CMIP: variants seen among roughly 807,000 people sequenced by gnomAD.
CMIP encodes the protein C-Maf-inducing protein.
CMIP carries 13 observed loss-of-function variants against 97.3 expected under a neutral mutation model. That is an observed-to-expected ratio of 0.13 (90% CI 0.09 to 0.21). The LOEUF (loss-of-function observed/expected upper bound fraction) is 0.21. Ranked by LOEUF, CMIP falls within the 10% of genes least tolerant of loss-of-function variation. The pLI, the probability that CMIP is intolerant of heterozygous loss-of-function variation, is 1.00. For synonymous variants in CMIP, 538 were observed against 436.3 expected (o/e 1.23, Z -2.91); for missense variants, 847 against 1,024.9 (o/e 0.83, Z 2.37).
chr16:81,651,848 G>A (rs1301347204), intron 3 of CMIP, among the ~76,000 whole-genome samples: 1 of 152,188 alleles, frequency 6.6e-6, no homozygotes, highest in African/African-American at 2.4e-5. Context: ...AGAGCCCTGG[G>A]CAGATTTTCT....
chr16:81,667,799 A>AGAGAGAGAGAGAGTGTGT, intron 7 of CMIP, among the ~76,000 whole-genome samples: 97 of 58,130 alleles, frequency 1.7e-3, no homozygotes, highest in Non-Finnish European at 2.7e-3. Flanking sequence ...AGAGAGAGAG[A>AGAGAGAGAGAGAGTGTGT]GTGTGTGTGT....
intron 2 of CMIP, among the ~76,000 whole-genome samples, chr16:81,615,531 G>A (rs1279924271): frequency 6.9e-6 from 1 of 145,142 alleles, no homozygotes; most frequent in Non-Finnish European, 1.5e-5. Context: ...ATGTGTTTTT[G>A]TGTGTGGTAT....
intron 1 of CMIP, among the ~76,000 whole-genome samples, chr16:81,558,623 G>A (rs1224836023): frequency 6.6e-6 from 1 of 152,204 alleles, no homozygotes; most frequent in Non-Finnish European, 1.5e-5. Flanking sequence ...AGGGGCAGAA[G>A]GAAAGACAGG....
At chr16:81,455,126 C>T (rs867793856) in intron 1 of CMIP, among the ~76,000 whole-genome samples, 2 of 152,302 alleles carry the variant, frequency 1.3e-5, no homozygotes, top group Middle Eastern at 6.8e-3. Context: ...CTTTACGATG[C>T]AGAGAGACTA....
chr16:81,484,813 C>G (rs2089290706), intron 1 of CMIP, among the ~76,000 whole-genome samples: 1 of 152,022 alleles, frequency 6.6e-6, no homozygotes, highest in Non-Finnish European at 1.5e-5. Flanking sequence ...GCCCGGGTGT[C>G]CTCATTCATT....
In CMIP at chr16:81,696,478, C is replaced by G. The variant is rs1018721015; in HGVS notation, c.1531-82C>G. The stretch of plus-strand genomic sequence containing the variant: ...GACTGCAGGACTTGCCTGAGCCTTT[C>G]CCATTCATGTGTGCAGATCATGGTC... On this transcript the variant is annotated intron_variant, in intron 13 of 20. Coordinates refer to ENST00000537098, the MANE Select transcript of CMIP (RefSeq NM_198390.3). 2.9e-5 allele frequency: 40 copies of G among 1,372,250 alleles called. No homozygotes were observed. In the Admixed American group the frequency reaches 7.7e-4, roughly 26 times the overall value. The allele number at this position is 1,372,250 out of a possible 1,614,324, so 85.0% of individuals were successfully genotyped here. A position where few individuals can be genotyped will look rare whatever the true frequency, so the allele number is the denominator to read the frequency against.
At chr16:81,463,156 T>A (rs1344837753) in intron 1 of CMIP, among the ~76,000 whole-genome samples, 1 of 152,160 alleles carries the variant, frequency 6.6e-6, no homozygotes, top group Non-Finnish European at 1.5e-5. Context: ...TCAGCAATGG[T>A]AAGCAAGCAC....
At chr16:81,689,063 G>A (rs1456504476) in intron 10 of CMIP, among the ~76,000 whole-genome samples, 1 of 152,190 alleles carries the variant, frequency 6.6e-6, no homozygotes, top group Non-Finnish European at 1.5e-5. Flanking sequence ...GTCATTGATG[G>A]ACATTTTGGT....
chr16:81,612,646 C>G (rs1277490491), intron 2 of CMIP, among the ~76,000 whole-genome samples: 2 of 152,210 alleles, frequency 1.3e-5, no homozygotes, highest in African/African-American at 4.8e-5. Context: ...TGAGAAAGAA[C>G]TTGGCAAGTT....
At chr16:81,548,835 G>T (rs28377284) in intron 1 of CMIP, among the ~76,000 whole-genome samples, 1 of 152,084 alleles carries the variant, frequency 6.6e-6, no homozygotes, top group Non-Finnish European at 1.5e-5. Context: ...GACAGAGCAA[G>T]ATTCTGTCTC....
At chr16:81,607,449 C>T in intron 1 of CMIP, 118 bp from the exon 2 acceptor site, 1 of 1,327,186 alleles carries the variant, frequency 7.5e-7, no homozygotes, top group Non-Finnish European at 1.0e-6. Flanking sequence ...TGAGCTCCTG[C>T]ACCAGCTCCA....
intron 1 of CMIP, among the ~76,000 whole-genome samples, chr16:81,607,303 C>G (rs1422831632): frequency 6.6e-6 from 1 of 152,268 alleles, no homozygotes; most frequent in Non-Finnish European, 1.5e-5. Context: ...TCCCTCAGTT[C>G]TTGCCCTCCA....
At chr16:81,469,797 C>G (rs1347704152) in intron 1 of CMIP, among the ~76,000 whole-genome samples, 1 of 152,200 alleles carries the variant, frequency 6.6e-6, no homozygotes, top group African/African-American at 2.4e-5. Context: ...TAATAACACC[C>G]GACAGCCAGG....
chr16:81,476,067 T>G, intron 1 of CMIP: 1 of 737,204 alleles, frequency 1.4e-6, no homozygotes, highest in Non-Finnish European at 2.5e-6. Context: ...TTCTTGCTGG[T>G]CTTGCCATTC....
chr16:81,498,454 G>A (rs556971871), intron 1 of CMIP, among the ~76,000 whole-genome samples: 3 of 152,190 alleles, frequency 2.0e-5, no homozygotes, highest in Admixed American at 1.3e-4. Context: ...GGGGCTGCTC[G>A]GCAGCTCTGA....
In CMIP at chr16:81,445,148, G is replaced by C; in HGVS notation, c.-94G>C. 1.5e-6 allele frequency: 1 copy of C among 675,568 alleles called. No homozygotes were observed. Among genetic ancestry groups the C allele is most frequent in the Non-Finnish European group, 2.2e-6 (1 of 457,370 alleles). 41.8% of individuals were successfully genotyped at this position (675,568 alleles called of 1,614,324 possible). On this transcript the variant is annotated 5_prime_UTR_variant, in exon 1 of 21. Transcript: ENST00000537098. ...ACCCCCCCACCTTCCCGGGGGGTGG[G>C]GGGGTGCGGGCCGCCGGATCCGGGG...
intron 1 of CMIP, among the ~76,000 whole-genome samples, chr16:81,507,822 C>A (rs1156773819): frequency 6.6e-6 from 1 of 152,140 alleles, no homozygotes; most frequent in African/African-American, 2.4e-5. Flanking sequence ...CTTGGGGGAA[C>A]AAGAGGACTG....
chr16:81,577,930 A>C (rs981784516), intron 1 of CMIP, among the ~76,000 whole-genome samples: 9 of 150,890 alleles, frequency 6.0e-5, no homozygotes, highest in African/African-American at 2.2e-4. Context: ...CATCATCACC[A>C]TCACCTTCAT....
rs190384549 is a variant in CMIP, at chr16:81,620,794, G to A, written c.427-82G>A. Reference sequence around the variant, plus strand: ...GACGCTGTCTACAGAGCAGGCTTGGGGGCTCACATGCTGGCCTTGAAATGC... The same window carrying A: ...GACGCTGTCTACAGAGCAGGCTTGGAGGCTCACATGCTGGCCTTGAAATGC... On this transcript the variant is annotated intron_variant, in intron 2 of 20. Coordinates refer to ENST00000537098, the MANE Select transcript of CMIP (RefSeq NM_198390.3). 3,774 of 1,529,092 alleles carry A rather than the reference G, an allele frequency of 2.5e-3. 13 individuals are homozygous for A. The highest frequency in any genetic ancestry group is 5.2e-3 in the Middle Eastern group (27 of 5,178). The allele number at this position is 1,529,092 out of a possible 1,614,324, so 94.7% of individuals were successfully genotyped here.
Sources: gnomAD v4.1 joint callset for allele counts (sites outside exome capture counted in the v4.1 genomes callset) on GRCh38, gnomAD v4.1.1 for gene constraint, MANE v1.5 for transcripts, NCBI Gene and HGNC (gene_info 2026-07-23, HGNC 2026-07-21) for gene names.